GALK2: variants seen among roughly 807,000 people sequenced by gnomAD.
GALK2 encodes N-acetylgalactosamine kinase.
Under a neutral mutation model 52.4 loss-of-function variants are expected in GALK2, and 36 were observed. The observed-to-expected ratio is 0.69, with a 90% CI of 0.53 to 0.91. GALK2 has a LOEUF of 0.91. Ranked by LOEUF, GALK2 falls within the 40% of genes least tolerant of loss-of-function variation. GALK2 has a pLI of 0.00. For synonymous variants in GALK2, 176 were observed against 199.1 expected, an observed-to-expected ratio of 0.88 and a Z score of 0.98; for missense variants, 579 against 559.1, an observed-to-expected ratio of 1.04 and a Z score of -0.36.
intron 3 of GALK2, among the ~76,000 whole-genome samples, chr15:49,349,123 G>A (rs1448008184): frequency 6.6e-6 from 1 of 152,084 alleles, no homozygotes; most frequent in Non-Finnish European, 1.5e-5. Flanking sequence ...TCTGTATCTT[G>A]TATATTTTAT....
At chr15:49,332,201 G>T (rs776308033), downstream of GALK2, among the ~76,000 whole-genome samples, 14 of 152,092 alleles carry the variant, frequency 9.2e-5, no homozygotes, top group Non-Finnish European at 1.9e-4. Flanking sequence ...CCCACTGTGT[G>T]GTTCTCATCC....
rs1240872543 is a variant in GALK2, at chr15:49,283,611, C to G, written c.649C>G (p.Leu217Val). 1.2e-6 allele frequency: 2 copies of G among 1,613,824 alleles called. No individual in the cohort carries two copies. Among genetic ancestry groups the G allele is most frequent in the African/African-American group, 2.7e-5 (2 of 74,918 alleles). ...TCCTCTGAGGGCAACCGATGTAAAACTCCCAAGTGGAGCAGTGTTTGTGAT... is the reference window on the plus strand; with the variant it reads ...TCCTCTGAGGGCAACCGATGTAAAAGTCCCAAGTGGAGCAGTGTTTGTGAT... ...FSPLRATDVK[L>V]PSGAVFVIAN... Residue 217 changes from leucine to valine, a missense_variant, in exon 7 of 10, where the codon CTC becomes GTC. By Grantham distance (32) the Leu-to-Val change is conservative. Transcript: ENST00000560031.
chr15:49,270,430 T>G (rs773756914), intron 5 of GALK2, among the ~76,000 whole-genome samples: 1 of 152,160 alleles, frequency 6.6e-6, no homozygotes, highest in Non-Finnish European at 1.5e-5. Context: ...CATGGATTCT[T>G]TAGAGCACAT....
At chr15:49,224,870 G>A (rs997926816) in intron 3 of GALK2, among the ~76,000 whole-genome samples, 5 of 152,122 alleles carry the variant, frequency 3.3e-5, no homozygotes, top group African/African-American at 1.2e-4. Context: ...TAGTCAATTG[G>A]CTTCATTTCT....
At chr15:49,366,414 G>C (rs1187008254) in intron 3 of GALK2, 6 of 843,638 alleles carry the variant, frequency 7.1e-6, no homozygotes, top group Non-Finnish European at 1.3e-5. Context: ...CTGCCCCATT[G>C]CACCACAACT....
intron 9 of GALK2, among the ~76,000 whole-genome samples, chr15:49,320,361 A>G (rs906059285): frequency 6.6e-6 from 1 of 152,210 alleles, no homozygotes; most frequent in Admixed American, 6.5e-5. Context: ...AAGAAAGCCC[A>G]GGTGATACAT....
chr15:49,328,612 GTGATGATGA>G lies in GALK2; in HGVS notation c.*463_*471del. On this transcript the variant is annotated 3_prime_UTR_variant, in exon 10 of 10. Coordinates refer to ENST00000560031, the MANE Select transcript of GALK2 (RefSeq NM_002044.4). Reference sequence around the variant, plus strand: ...AAGTTGTAGTTGTCTGTTGATGATGGTGATGATGATGATGATGACGATAGTGATGCCACA... The same window carrying G: ...AAGTTGTAGTTGTCTGTTGATGATGGTGATGATGACGATAGTGATGCCACA... 6 of 1,590,932 alleles carry G rather than the reference GTGATGATGA, an allele frequency of 3.8e-6. No individual in the cohort carries two copies. The highest frequency in any genetic ancestry group is 4.3e-6 in the Non-Finnish European group (5 of 1,165,212).
chr15:49,234,760 A>T (rs1056165348), intron 3 of GALK2, among the ~76,000 whole-genome samples: 2 of 151,640 alleles, frequency 1.3e-5, no homozygotes, highest in Non-Finnish European at 2.9e-5. Context: ...CAGCCAAACC[A>T]TATCAGATAC....
At chr15:49,180,973 C>T (rs2141219366) in intron 1 of GALK2, among the ~76,000 whole-genome samples, 1 of 152,150 alleles carries the variant, frequency 6.6e-6, no homozygotes, top group Admixed American at 6.6e-5. Context: ...GTATTGTCCC[C>T]CTGTATTGTG....
At chr15:49,162,922 A>G (rs1268493803) in intron 1 of GALK2, among the ~76,000 whole-genome samples, 1 of 152,274 alleles carries the variant, frequency 6.6e-6, no homozygotes, top group Admixed American at 6.5e-5. Flanking sequence ...ATTGTGAGAT[A>G]ATAAATGTGT....
At chr15:49,235,683 CTT>C in intron 3 of GALK2, 166 bp from the exon 4 acceptor site, 1 of 746,472 alleles carries the variant, frequency 1.3e-6, no homozygotes. Context: ...AACTTCCTCT[CTT>C]AACTCTTAGC....
intron 2 of GALK2, among the ~76,000 whole-genome samples, chr15:49,204,362 G>A (rs1456101657): frequency 2.1e-5 from 3 of 143,464 alleles, no homozygotes; most frequent in African/African-American, 8.3e-5. Context: ...ACAAATTTTA[G>A]AATTAATTTC....
chr15:49,272,816 T>C (rs1319560624), intron 5 of GALK2, among the ~76,000 whole-genome samples: 1 of 152,106 alleles, frequency 6.6e-6, no homozygotes, highest in East Asian at 1.9e-4. Flanking sequence ...TCCCAAAGTG[T>C]TTGAATAAAA....
At chr15:49,221,875 T>G (rs2089821667) in intron 3 of GALK2, among the ~76,000 whole-genome samples, 1 of 152,126 alleles carries the variant, frequency 6.6e-6, no homozygotes, top group Admixed American at 6.5e-5. Flanking sequence ...CAGGAGTGCT[T>G]TGGCTATTTG....
At chr15:49,168,074 C>A (rs1260617306), upstream of GALK2, among the ~76,000 whole-genome samples, 1 of 152,146 alleles carries the variant, frequency 6.6e-6, no homozygotes, top group Non-Finnish European at 1.5e-5. Flanking sequence ...GGTTTTAGTT[C>A]TAGCTCTGTT....
intron 8 of GALK2, 82 bp from the exon 9 acceptor site, chr15:49,319,522 G>A: frequency 9.0e-7 from 1 of 1,109,468 alleles, no homozygotes; most frequent in Non-Finnish European, 1.3e-6. Flanking sequence ...AGAAATGAAA[G>A]TCTTTAAAAG....
chr15:49,220,058 CTTTTTTTT>C (rs34707025), intron 3 of GALK2, among the ~76,000 whole-genome samples: 2 of 92,750 alleles, frequency 2.2e-5, no homozygotes, highest in Non-Finnish European at 4.3e-5. Flanking sequence ...AGATACAAGT[CTTTTTTTT>C]TTTTTTTTTT....
At chr15:49,278,548 T>C (rs1030777450) in intron 5 of GALK2, among the ~76,000 whole-genome samples, 3 of 152,248 alleles carry the variant, frequency 2.0e-5, no homozygotes. Context: ...AAGGTGCTTT[T>C]ATTTGAAGTT....
chr15:49,270,803 A>C (rs994952861), intron 5 of GALK2, among the ~76,000 whole-genome samples: 1 of 152,186 alleles, frequency 6.6e-6, no homozygotes. Context: ...CCATATTAGG[A>C]AAATTAGCAA....
Sources: allele counts gnomAD v4.1 joint callset (sites outside exome capture counted in the v4.1 genomes callset), GRCh38; gene constraint gnomAD v4.1.1; transcripts MANE v1.5; gene names NCBI Gene and HGNC (gene_info 2026-07-23, HGNC 2026-07-21).